KAZN: variants seen among roughly 807,000 people sequenced by gnomAD.
KAZN encodes kazrin.
Under a neutral mutation model 87.4 loss-of-function variants are expected in KAZN, and 40 were observed. The observed-to-expected ratio is 0.46, with a 90% CI of 0.36 to 0.60. KAZN has a LOEUF of 0.60. Ranked by LOEUF, KAZN falls within the 20% of genes least tolerant of loss-of-function variation. The pLI is 0.00. For missense variants in KAZN, 898 were observed against 1,073.9 expected (o/e 0.84, Z 2.29); for synonymous variants, 466 against 458.3 (o/e 1.02, Z -0.22).
intron 1 of KAZN, among the ~76,000 whole-genome samples, chr1:14,824,724 TCA>T (rs1646834132): frequency 6.6e-6 from 1 of 152,226 alleles, no homozygotes; most frequent in South Asian, 2.1e-4. Context: ...TTCATGACAG[TCA>T]CCCCCTTGAG....
chr1:14,477,449 T>C lies in KAZN; in HGVS notation c.250-121534T>C, dbSNP rs201753660. Among the ~76,000 whole-genome samples, 82 of 141,166 alleles carry C rather than the reference T, an allele frequency of 5.8e-4. No individual in the cohort carries two copies. The South Asian group carries it at 7.2e-3, about 12-fold the overall frequency. 92.6% of individuals were successfully genotyped at this position (141,166 alleles called of 152,430 possible). ...CCCTCTCTCTCTCTCTCTCTCCCCC[T>C]CTCTCTCTCTCTCTTTCTCTCTCTC... On this transcript the variant is annotated intron_variant, in intron 2 of 16. Coordinates refer to the KAZN transcript ENST00000636203.
chr1:15,068,230 A>G (rs1639349642), intron 8 of KAZN: 1 of 290,120 alleles, frequency 3.4e-6, no homozygotes, highest in Non-Finnish European at 5.1e-6. Context: ...ACAGGCTGGC[A>G]TGACCTGCTC....
chr1:14,535,334 G>A (rs923317776), intron 2 of KAZN, among the ~76,000 whole-genome samples: 6 of 152,220 alleles, frequency 3.9e-5, no homozygotes, highest in African/African-American at 1.4e-4. Flanking sequence ...GCAAGAAACT[G>A]CAATATCAAA....
intron 1 of KAZN, among the ~76,000 whole-genome samples, chr1:14,020,405 C>T (rs764948846): frequency 6.6e-6 from 1 of 152,002 alleles, no homozygotes; most frequent in African/African-American, 2.4e-5. Flanking sequence ...CTCTTTTTTC[C>T]CCATTTCACT....
At chr1:14,223,798 T>C (rs1482525508) in intron 2 of KAZN, among the ~76,000 whole-genome samples, 1 of 152,216 alleles carries the variant, frequency 6.6e-6, no homozygotes, top group Non-Finnish European at 1.5e-5. Flanking sequence ...CTCATCTATC[T>C]GGCTTGATTT....
At chr1:14,807,494 C>A (rs1310473667) in intron 1 of KAZN, among the ~76,000 whole-genome samples, 2 of 152,148 alleles carry the variant, frequency 1.3e-5, no homozygotes, top group East Asian at 3.9e-4. Context: ...GAGGTCCATG[C>A]ATGGTGGCTC....
chr1:14,561,928 T>G (rs1436808823), intron 2 of KAZN, among the ~76,000 whole-genome samples: 2 of 151,458 alleles, frequency 1.3e-5, no homozygotes, highest in East Asian at 3.9e-4. Flanking sequence ...GAAAAAAGTT[T>G]CAAAAAGCCT....
intron 2 of KAZN, among the ~76,000 whole-genome samples, chr1:14,964,239 T>C (rs1416187646): frequency 6.6e-6 from 1 of 152,166 alleles, no homozygotes; most frequent in Admixed American, 6.5e-5. Context: ...TTGCTGAGGG[T>C]AATAGTAACA....
At chr1:14,908,435 G>A (rs187453637) in intron 1 of KAZN, among the ~76,000 whole-genome samples, 7 of 152,154 alleles carry the variant, frequency 4.6e-5, no homozygotes, top group Non-Finnish European at 8.8e-5. Flanking sequence ...CCAGCTCCTC[G>A]GGAGGCTGAG....
intron 1 of KAZN, among the ~76,000 whole-genome samples, chr1:14,003,528 G>A (rs997499950): frequency 6.6e-6 from 1 of 151,704 alleles, no homozygotes; most frequent in African/African-American, 2.4e-5. Flanking sequence ...ACTGACACAC[G>A]GATGGACAAA....
At chr1:14,026,215 G>A (rs191599486) in intron 1 of KAZN, among the ~76,000 whole-genome samples, 85 of 152,176 alleles carry the variant, frequency 5.6e-4, no homozygotes, top group Non-Finnish European at 9.7e-4. Flanking sequence ...CTCCCAATGA[G>A]AGCTCAGGGA....
intron 2 of KAZN, among the ~76,000 whole-genome samples, chr1:14,527,453 G>T (rs1197242844): frequency 1.3e-5 from 2 of 151,504 alleles, no homozygotes; most frequent in Non-Finnish European, 2.9e-5. Context: ...GGAGTCTGAG[G>T]CAGGAGAATC....
At chr1:15,014,559 A>G (rs4661561) in intron 2 of KAZN, among the ~76,000 whole-genome samples, 142,434 of 152,184 alleles carry the variant, frequency 0.94, 66,713 homozygotes, top group East Asian at 1. Context: ...CATTTCCAGC[A>G]CGTTGGAAAA....
intron 2 of KAZN, among the ~76,000 whole-genome samples, chr1:14,550,994 C>A (rs1278870197): frequency 6.6e-6 from 1 of 151,990 alleles, no homozygotes; most frequent in African/African-American, 2.4e-5. Context: ...ACTTTGTTCA[C>A]ACTTTTCTGC....
chr1:13,907,853 C>T (rs374576105), intron 1 of KAZN, among the ~76,000 whole-genome samples: 23 of 152,252 alleles, frequency 1.5e-4, no homozygotes, highest in Middle Eastern at 3.4e-3. Flanking sequence ...TTGGATGATA[C>T]TTCTTGTGCC....
At chr1:15,032,190 T>TC (rs1288609493) in intron 2 of KAZN, among the ~76,000 whole-genome samples, 1 of 121,706 alleles carries the variant, frequency 8.2e-6, no homozygotes, top group Non-Finnish European at 1.7e-5. Flanking sequence ...CTTTTTTTTT[T>TC]TTTCTTTTTT....
rs1557586164 is a variant in KAZN, at chr1:14,883,344, A to AGAGAGAGAGAGAGAGAGAGAGAG, written c.227-77340_227-77339insGAGAGAGAGAGAGAGAGAGAGAG. Among the ~76,000 whole-genome samples, 22 of 29,678 alleles carry AGAGAGAGAGAGAGAGAGAGAGAG rather than the reference A, an allele frequency of 7.4e-4. 4 individuals carry two copies. The highest frequency in any genetic ancestry group is 2.0e-3 in the Admixed American group (4 of 1,976). The allele number at this position is 29,678 out of a possible 152,430, so 19.5% of individuals were successfully genotyped here. On this transcript the variant is annotated intron_variant, in intron 1 of 14. Coordinates refer to ENST00000376030, the MANE Select transcript of KAZN (RefSeq NM_201628.3). ...AGAGAGAGAGAGAGAGAGAGAGAGA[A>AGAGAGAGAGAGAGAGAGAGAGAG]AGAAAGAAAGAAAAGAAAGAAAGAA...
chr1:14,808,052 G>A (rs1646279037), intron 1 of KAZN, among the ~76,000 whole-genome samples: 1 of 152,138 alleles, frequency 6.6e-6, no homozygotes, highest in Non-Finnish European at 1.5e-5. Context: ...AAATAAACCA[G>A]TCCCACCTGG....
chr1:14,652,784 T>C (rs914345842), intron 1 of KAZN, among the ~76,000 whole-genome samples: 1 of 151,318 alleles, frequency 6.6e-6, no homozygotes, highest in Non-Finnish European at 1.5e-5. Context: ...AAACATTTCA[T>C]GCTTATGTGC....
Sources: gnomAD v4.1 joint callset for allele counts (sites outside exome capture counted in the v4.1 genomes callset) on GRCh38, gnomAD v4.1.1 for gene constraint, MANE v1.5 for transcripts, NCBI Gene and HGNC (gene_info 2026-07-23, HGNC 2026-07-21) for gene names.